SGK1: variants seen among roughly 807,000 people sequenced by gnomAD.
SGK1 encodes serum/glucocorticoid regulated kinase 1.
Under a neutral mutation model 64.2 loss-of-function variants are expected in SGK1, and 26 were observed. The observed-to-expected ratio is 0.40, with a 90% CI of 0.30 to 0.56. SGK1 has a LOEUF of 0.56. Among genes scored for constraint, SGK1 ranks in the 20% least tolerant of loss-of-function variants. The probability of loss-of-function intolerance (pLI) is 0.38; values close to 1 mark genes in which losing one functional copy is unlikely to be tolerated. For missense variants in SGK1, 519 were observed against 645.6 expected (o/e 0.80, Z 2.12); for synonymous variants, 265 against 239.7 (o/e 1.11, Z -0.98).
intron 2 of SGK1, among the ~76,000 whole-genome samples, chr6:134,221,513 T>A (rs1562255828): frequency 1.3e-5 from 2 of 152,202 alleles, no homozygotes; most frequent in African/African-American, 2.4e-5. Flanking sequence ...TGTCATTTTG[T>A]TTAAATGGAA....
At chr6:134,203,755 T>C (rs190708917) in intron 3 of SGK1, among the ~76,000 whole-genome samples, 63 of 152,158 alleles carry the variant, frequency 4.1e-4, no homozygotes, top group Admixed American at 1.4e-3. Flanking sequence ...CATTAGGAAA[T>C]AATAATAATC....
At chr6:134,211,877 G>GAA (rs573091377) in intron 2 of SGK1, among the ~76,000 whole-genome samples, 997 of 81,568 alleles carry the variant, frequency 0.012, 8 homozygotes, top group Non-Finnish European at 0.02. Context: ...CGTCTACAAG[G>GAA]AAAAAAAAAA....
chr6:134,253,416 G>A (rs1333835048), intron 2 of SGK1, among the ~76,000 whole-genome samples: 3 of 151,760 alleles, frequency 2.0e-5, no homozygotes, highest in East Asian at 1.9e-4. Flanking sequence ...TTACAGACAT[G>A]AGCCACCGCG....
intron 1 of SGK1, among the ~76,000 whole-genome samples, chr6:134,299,818 TGCC>T (rs1562278544): frequency 3.4e-5 from 5 of 148,908 alleles, no homozygotes; most frequent in Non-Finnish European, 4.5e-5. Flanking sequence ...TTTTTTTTTT[TGCC>T]CTGAGTTTGG....
chr6:134,172,833 T>G, intron 8 of SGK1, 59 bp from the exon 9 acceptor site: 3 of 1,341,820 alleles, frequency 2.2e-6, no homozygotes, highest in Non-Finnish European at 3.2e-6. Flanking sequence ...AGTTTTGACA[T>G]ACACAGCAAA....
In SGK1 at chr6:134,172,745, G is replaced by A. The variant is rs1238040696; in HGVS notation, c.864C>T (p.Cys288=). The part of the protein sequence containing the change: ...ELFYHLQRER[C]FLEPRARFYA... ...AGAAACGAGCCCGTGGTTCCAGGAA[G>A]CAGCGTTCCCTCTGGAGATGGTAGA... The change falls in exon 9 of 14, where the codon TGC becomes TGT. Residue 288 remains cysteine (C), a synonymous_variant. Coordinates refer to ENST00000367858, the MANE Select transcript of SGK1 (RefSeq NM_001143676.3). The A allele has an allele frequency of 6.2e-7, 1 of 1,613,944 alleles. No homozygotes were observed.
chr6:134,276,971 G>A (rs576411543), intron 1 of SGK1, among the ~76,000 whole-genome samples: 1 of 152,114 alleles, frequency 6.6e-6, no homozygotes, highest in African/African-American at 2.4e-5. Flanking sequence ...GAGTGCTTGA[G>A]CCCAGGAGGT....
At chr6:134,266,142 G>A (rs1042458108) in intron 1 of SGK1, among the ~76,000 whole-genome samples, 1 of 151,400 alleles carries the variant, frequency 6.6e-6, no homozygotes, top group Admixed American at 6.6e-5. Context: ...GTGCCCCCAC[G>A]CCCAGCTAAT....
rs182360272 is a variant in SGK1 at position 134,304,387 on chromosome 6, C to T, written c.69+13005G>A. Among the ~76,000 whole-genome samples, 19 of 152,278 alleles carry T rather than the reference C, an allele frequency of 1.2e-4. No individual in the cohort carries two copies. In the East Asian group the frequency reaches 3.3e-3, roughly 26 times the overall value. On this transcript the variant is annotated intron_variant, in intron 1 of 13. Coordinates refer to ENST00000367858, the MANE Select transcript of SGK1 (RefSeq NM_001143676.3). ...GAAATACAGGCTGGGTGCGGATGCT[C>T]ACGCCTGCAATCCCAGCACTTTGGG... is the stretch of plus-strand genomic sequence containing the variant.
At chr6:134,294,324 C>T (rs969586195) in intron 1 of SGK1, among the ~76,000 whole-genome samples, 5 of 152,080 alleles carry the variant, frequency 3.3e-5, no homozygotes, top group African/African-American at 7.2e-5. Flanking sequence ...CAACCATCAC[C>T]GCTATCCAGT....
chr6:134,174,975 C>A, intron 3 of SGK1: 1 of 1,297,576 alleles, frequency 7.7e-7, no homozygotes, highest in Non-Finnish European at 1.0e-6. Flanking sequence ...CCCGCCCCGG[C>A]CGCCTCGCGG....
intron 2 of SGK1, among the ~76,000 whole-genome samples, chr6:134,252,079 A>G (rs1172309892): frequency 6.6e-6 from 1 of 152,240 alleles, no homozygotes; most frequent in Non-Finnish European, 1.5e-5. Flanking sequence ...TAAATACAGC[A>G]GAACTATGTA....
chr6:134,266,918 CTG>C (rs1410817479), intron 1 of SGK1, among the ~76,000 whole-genome samples: 23 of 152,242 alleles, frequency 1.5e-4, no homozygotes, highest in African/African-American at 5.5e-4. Context: ...AGTCTGGTAA[CTG>C]TTCTTGCTTT....
At chr6:134,171,237 C>T in intron 11 of SGK1, 59 bp from the exon 12 acceptor site, 1 of 1,475,820 alleles carries the variant, frequency 6.8e-7, no homozygotes, top group Non-Finnish European at 9.4e-7. Context: ...GCACACATTA[C>T]CAGTAGAGAA....
At chr6:134,254,331 C>T (rs1027520839) in intron 2 of SGK1, among the ~76,000 whole-genome samples, 34 of 152,126 alleles carry the variant, frequency 2.2e-4, no homozygotes, top group Non-Finnish European at 3.1e-4. Context: ...AACTGATTGA[C>T]AGGCAGAAGT....
intron 2 of SGK1, among the ~76,000 whole-genome samples, chr6:134,216,271 G>A (rs573946953): frequency 6.6e-6 from 1 of 152,234 alleles, no homozygotes; most frequent in South Asian, 2.1e-4. Flanking sequence ...TTCTTCCTAA[G>A]ATACAAAAGA....
At chr6:134,199,370 C>G (rs1412164539) in intron 3 of SGK1, among the ~76,000 whole-genome samples, 1 of 151,912 alleles carries the variant, frequency 6.6e-6, no homozygotes, top group Non-Finnish European at 1.5e-5. Context: ...GCCAGTCTGG[C>G]CAACATGGTG....
At chr6:134,288,942 A>G (rs1777223792) in intron 1 of SGK1, among the ~76,000 whole-genome samples, 1 of 152,236 alleles carries the variant, frequency 6.6e-6, no homozygotes, top group South Asian at 2.1e-4. Context: ...TAACATACAC[A>G]TAGTAAGAGC....
At chr6:134,208,832 GTA>G (rs1775836818) in intron 2 of SGK1, among the ~76,000 whole-genome samples, 1 of 148,338 alleles carries the variant, frequency 6.7e-6, no homozygotes, top group Non-Finnish European at 1.5e-5. Context: ...GTATATATAT[GTA>G]TGTGTGTATG....
Sources: allele counts gnomAD v4.1 joint callset (sites outside exome capture counted in the v4.1 genomes callset), GRCh38; gene constraint gnomAD v4.1.1; transcripts MANE v1.5; gene names NCBI Gene and HGNC (gene_info 2026-07-23, HGNC 2026-07-21).